Variants in SCN8A observed in about 807,000 individuals in gnomAD.
SCN8A encodes sodium channel protein type 8 subunit alpha.
Under a neutral mutation model 184.1 loss-of-function variants are expected in SCN8A, and 30 were observed. The ratio of observed to expected loss-of-function variants is 0.16; its 90% confidence interval spans 0.12 to 0.22. The LOEUF (loss-of-function observed/expected upper bound fraction) is 0.22, where lower values mean the gene tolerates loss of function less well. Ranked by LOEUF, SCN8A falls within the 10% of genes least tolerant of loss-of-function variation. The pLI is 1.00. For synonymous variants in SCN8A, 852 were observed against 907.0 expected (o/e 0.94, Z 1.09); for missense variants, 1,057 against 2,498.9 (o/e 0.42, Z 12.30).
chr12:51,654,888 TAA>T (rs1940790147), intron 1 of SCN8A, among the ~76,000 whole-genome samples: 1 of 152,174 alleles, frequency 6.6e-6, no homozygotes, highest in African/African-American at 2.4e-5. Flanking sequence ...TGTTCTAGCA[TAA>T]AGTGTTTGCT....
chr12:51,779,495 G>A (rs1464494096), intron 20 of SCN8A, among the ~76,000 whole-genome samples: 1 of 152,144 alleles, frequency 6.6e-6, no homozygotes, highest in Admixed American at 6.5e-5. Context: ...CCCTGGTACG[G>A]CAACATATTC....
chr12:51,745,185 T>G (rs546116582), intron 12 of SCN8A, among the ~76,000 whole-genome samples: 1 of 152,206 alleles, frequency 6.6e-6, no homozygotes, highest in Non-Finnish European at 1.5e-5. Flanking sequence ...TATAACAATC[T>G]GATTATACTT....
intron 2 of SCN8A, among the ~76,000 whole-genome samples, chr12:51,680,397 C>T (rs1029879600): frequency 2.0e-5 from 3 of 152,194 alleles, no homozygotes; most frequent in Non-Finnish European, 4.4e-5. Context: ...TCATCAGTCT[C>T]CCACTTGACA....
intron 11 of SCN8A, among the ~76,000 whole-genome samples, chr12:51,719,920 C>CA (rs1942022590): frequency 6.6e-6 from 1 of 151,478 alleles, no homozygotes; most frequent in Non-Finnish European, 1.5e-5. Context: ...ACTAAAAATA[C>CA]AAAAAATTAG....
intron 2 of SCN8A, among the ~76,000 whole-genome samples, chr12:51,668,667 CTCAAG>C (rs1244502278): frequency 6.6e-6 from 1 of 152,180 alleles, no homozygotes; most frequent in African/African-American, 2.4e-5. Flanking sequence ...ATTGTATCTT[CTCAAG>C]TCAAGGAGCT....
chr12:51,780,397 C>G, intron 20 of SCN8A: 1 of 375,688 alleles, frequency 2.7e-6, no homozygotes, highest in Non-Finnish European at 4.9e-6. Flanking sequence ...TCGATTTTCT[C>G]TTCCCTGTTG....
At chr12:51,630,641 G>A (rs963370093) in intron 1 of SCN8A, among the ~76,000 whole-genome samples, 7 of 152,012 alleles carry the variant, frequency 4.6e-5, no homozygotes, top group African/African-American at 1.2e-4. Flanking sequence ...GCGTCTGTCC[G>A]GAAAGGCTCC....
In SCN8A at chr12:51,810,091, T is replaced by C. The variant is rs760569392; in HGVS notation, c.*2662T>C. 2.3e-4 allele frequency: 41 copies of C among 177,220 alleles called. No individual in the cohort carries two copies. The highest frequency in any genetic ancestry group is 4.1e-4 in the Non-Finnish European group (34 of 82,086). 11.0% of individuals were successfully genotyped at this position (177,220 alleles called of 1,614,324 possible). A position where few individuals can be genotyped will look rare whatever the true frequency, so the allele number is the denominator to read the frequency against. ...GTGATGTCATTAAGCTACTAGGGCA[T>C]AGTGATGAGATTTTTCTGAGATCTA... On this transcript the variant is annotated 3_prime_UTR_variant, in exon 27 of 27. Transcript: ENST00000627620.
chr12:51,686,953 TC>T lies in SCN8A; in HGVS notation c.486-136del, dbSNP rs1941429816. 9 of 786,160 alleles carry T rather than the reference TC, an allele frequency of 1.1e-5. 1 individual carries two copies. In the East Asian group the frequency reaches 2.4e-4, roughly 21 times the overall value. The allele number at this position is 786,160 out of a possible 1,614,324, so 48.7% of individuals were successfully genotyped here. A position where few individuals can be genotyped will look rare whatever the true frequency, so the allele number is the denominator to read the frequency against. On this transcript the variant is annotated intron_variant, in intron 4 of 26. Coordinates refer to ENST00000627620, the MANE Select transcript of SCN8A (RefSeq NM_001330260.2). The stretch of plus-strand genomic sequence containing the variant: ...AAAGCATTTCTTTCTCCTCCTCACT[TC>T]CTTCCTGCTGCATTGGCTGTGCCCT...
chr12:51,745,070 G>C (rs1942488189), intron 12 of SCN8A, among the ~76,000 whole-genome samples: 1 of 152,182 alleles, frequency 6.6e-6, no homozygotes, highest in African/African-American at 2.4e-5. Context: ...AGCCTGAACT[G>C]ATGTGGAATA....
At chr12:51,597,755 G>A (rs533356798) in intron 1 of SCN8A, among the ~76,000 whole-genome samples, 1 of 152,088 alleles carries the variant, frequency 6.6e-6, no homozygotes, top group South Asian at 2.1e-4. Context: ...GGTGTAAATA[G>A]CATTTTTCTT....
intron 1 of SCN8A, among the ~76,000 whole-genome samples, chr12:51,606,807 G>A (rs1216591196): frequency 6.6e-6 from 1 of 150,446 alleles, no homozygotes; most frequent in East Asian, 1.9e-4. Context: ...TTGACTCCTT[G>A]GTTAGGTATA....
intron 1 of SCN8A, among the ~76,000 whole-genome samples, chr12:51,634,296 C>T (rs1261323866): frequency 1.3e-5 from 2 of 152,048 alleles, no homozygotes; most frequent in Non-Finnish European, 2.9e-5. Context: ...CATAACCCTG[C>T]AAGAGAGTGA....
In SCN8A at chr12:51,812,852, G is replaced by C. The variant is rs560553428; in HGVS notation, c.*5423G>C. ...TGCAATAAAGGGTTACGTCAATCTT[G>C]TTTTCAACTCTCCTCTTGGACTGGC... On this transcript the variant is annotated 3_prime_UTR_variant, in exon 27 of 27. Coordinates refer to ENST00000627620, the MANE Select transcript of SCN8A (RefSeq NM_001330260.2). 6.6e-6 allele frequency: 1 copy of C among 152,226 alleles called. No individual in the cohort carries two copies. Among genetic ancestry groups the C allele is most frequent in the Admixed American group, 6.5e-5 (1 of 15,288 alleles). The allele number at this position is 152,226 out of a possible 1,614,324, so 9.4% of individuals were successfully genotyped here.
In SCN8A at chr12:51,745,885, C is replaced by CTTTTT; in HGVS notation, c.1999-9_1999-5dup. 1 of 1,226,672 alleles carries CTTTTT rather than the reference C, an allele frequency of 8.2e-7. No homozygotes were observed. The highest frequency in any genetic ancestry group is 1.1e-6 in the Non-Finnish European group (1 of 901,478). The allele number at this position is 1,226,672 out of a possible 1,614,324, so 76.0% of individuals were successfully genotyped here. A position where few individuals can be genotyped will look rare whatever the true frequency, so the allele number is the denominator to read the frequency against. ...GACTTAACTCACTCTATTTGCTTTT[C>CTTTTT]TTTTTTTTTTTTTAAAGGCTACAAC... On this transcript the variant is annotated splice_polypyrimidine_tract_variant and intron_variant, in intron 12 of 26. Transcript: ENST00000627620.
chr12:51,789,548 C>G, intron 24 of SCN8A, 130 bp downstream of exon 24: 2 of 1,072,206 alleles, frequency 1.9e-6, no homozygotes, highest in Non-Finnish European at 2.7e-6. Context: ...CACTGTGACC[C>G]TGGCCCCCAT....
At chr12:51,701,980 C>A (rs1233372108) in intron 8 of SCN8A, among the ~76,000 whole-genome samples, 4 of 152,108 alleles carry the variant, frequency 2.6e-5, no homozygotes, top group Non-Finnish European at 4.4e-5. Context: ...TAACTGAAAT[C>A]CCCCCTTGAC....
In SCN8A at chr12:51,721,727, G is replaced by A. The variant is rs1359860813; in HGVS notation, c.1817G>A (p.Arg606Gln). ...GRRDSLFIPI[R>Q]ARERRSSYSG... ...CGGGACTCCCTCTTCATCCCCATCC[G>A]GGCCCGCGAGCGCCGGAGCAGCTAC... Residue 606 changes from arginine (R) to glutamine (Q), a missense_variant, in exon 12 of 27, where the codon CGG becomes CAG. By Grantham distance (43) the Arg-to-Gln change is conservative. This residue lies in a region of SCN8A where 322 missense variants were observed against 390.1 expected (regional missense o/e 0.83). Transcript: ENST00000627620. 7.5e-6 allele frequency: 12 copies of A among 1,595,942 alleles called. No individual in the cohort carries two copies. The highest frequency in any genetic ancestry group is 2.3e-5 in the East Asian group (1 of 43,912).
At chr12:51,700,243 G>A (rs1209954458) in intron 7 of SCN8A, among the ~76,000 whole-genome samples, 1 of 151,936 alleles carries the variant, frequency 6.6e-6, no homozygotes, top group Non-Finnish European at 1.5e-5. Context: ...AACTAGCCTT[G>A]TAAAATTATT....
Sources: allele counts gnomAD v4.1 joint callset (sites outside exome capture counted in the v4.1 genomes callset), GRCh38; gene constraint gnomAD v4.1.1; regional missense constraint gnomAD v4.1.1; transcripts MANE v1.5; gene names NCBI Gene and HGNC (gene_info 2026-07-23, HGNC 2026-07-21).